The following ZMYM2 variants were observed in gnomAD, a reference collection of about 807,000 sequenced individuals.
ZMYM2 encodes the protein zinc finger MYM-type containing 2.
A neutral mutation model predicts 162.8 loss-of-function variants in ZMYM2; 56 were observed. The observed-to-expected ratio is 0.34, with a 90% CI of 0.28 to 0.43. The LOEUF (loss-of-function observed/expected upper bound fraction) is 0.43. Ranked by LOEUF, ZMYM2 falls within the 20% of genes least tolerant of loss-of-function variation. The probability of loss-of-function intolerance (pLI) is 1.00; values close to 1 mark genes in which losing one functional copy is unlikely to be tolerated. For synonymous variants in ZMYM2, 510 were observed against 541.6 expected, an observed-to-expected ratio of 0.94 and a Z score of 0.81; for missense variants, 1,275 against 1,621.8, an observed-to-expected ratio of 0.79 and a Z score of 3.67.
At chr13:19,988,926 T>G in intron 2 of ZMYM2, among the ~76,000 whole-genome samples, 1 of 152,244 alleles carries the variant, frequency 6.6e-6, no homozygotes, top group Admixed American at 6.5e-5. Context: ...TATATCATCT[T>G]CCGCTAAGAT....
chr13:19,999,779 G>A (rs1012880540), intron 3 of ZMYM2, among the ~76,000 whole-genome samples: 28 of 152,154 alleles, frequency 1.8e-4, no homozygotes, highest in African/African-American at 6.0e-4. Context: ...CTACTCCAGT[G>A]AACACAGGAA....
the ZMYM2 span, among the ~76,000 whole-genome samples, chr13:19,923,004 A>AC: frequency 6.8e-6 from 1 of 146,282 alleles, no homozygotes; most frequent in South Asian, 2.2e-4. Context: ...CCTAGGCAAC[A>AC]AGAGCGAGAC....
At chr13:19,926,382 T>C in the ZMYM2 span, among the ~76,000 whole-genome samples, 3 of 146,942 alleles carry the variant, frequency 2.0e-5, no homozygotes, top group Admixed American at 6.8e-5. Context: ...TTTTTTTTTT[T>C]AGTAAGAGTC....
chr13:19,904,094 CAT>C, the ZMYM2 span, among the ~76,000 whole-genome samples: 2 of 152,048 alleles, frequency 1.3e-5, no homozygotes, highest in African/African-American at 4.8e-5. Flanking sequence ...AAGGCTGATC[CAT>C]ACATTGAGGC....
chr13:20,063,119 T>A, intron 18 of ZMYM2, 148 bp downstream of exon 18: 1 of 1,058,420 alleles, frequency 9.4e-7, no homozygotes, highest in Non-Finnish European at 1.3e-6. Context: ...AAGAGTTAAC[T>A]TCATATTTTG....
chr13:19,922,330 G>T, the ZMYM2 span, among the ~76,000 whole-genome samples: 1 of 152,090 alleles, frequency 6.6e-6, no homozygotes, highest in Non-Finnish European at 1.5e-5. Flanking sequence ...GGCTCTACAT[G>T]GTTAAGCTAT....
the ZMYM2 span, among the ~76,000 whole-genome samples, chr13:19,887,834 A>T: frequency 6.6e-6 from 1 of 151,254 alleles, no homozygotes; most frequent in South Asian, 2.1e-4. Context: ...TCTTGCTCGA[A>T]CTGCCTCATC....
chr13:20,007,937 G>T (rs999973561), intron 6 of ZMYM2, among the ~76,000 whole-genome samples: 2 of 151,882 alleles, frequency 1.3e-5, no homozygotes, highest in Non-Finnish European at 2.9e-5. Flanking sequence ...TTATTAAGGT[G>T]TGAGTTATAT....
At chr13:20,064,647 T>C in intron 19 of ZMYM2, 102 bp downstream of exon 19, 1 of 779,876 alleles carries the variant, frequency 1.3e-6, no homozygotes, top group Non-Finnish European at 1.8e-6. Flanking sequence ...TATTTTGTTT[T>C]CTAGGTTGGA....
At chr13:20,059,765 C>G (rs989708335) in intron 16 of ZMYM2, among the ~76,000 whole-genome samples, 1 of 151,666 alleles carries the variant, frequency 6.6e-6, no homozygotes, top group African/African-American at 2.4e-5. Flanking sequence ...ACTGAAAATA[C>G]AGTATTCTGC....
chr13:19,883,814 G>A, the ZMYM2 span, among the ~76,000 whole-genome samples: 2 of 152,062 alleles, frequency 1.3e-5, no homozygotes, highest in African/African-American at 4.8e-5. Context: ...TGGAGCGCAC[G>A]GGCACGATCT....
chr13:19,941,720 CTTTTT>C, the ZMYM2 span, among the ~76,000 whole-genome samples: 2 of 63,004 alleles, frequency 3.2e-5, no homozygotes, highest in Non-Finnish European at 5.4e-5. Context: ...TGGCTTTCTG[CTTTTT>C]TTTTTTTTTT....
chr13:19,919,759 C>T, the ZMYM2 span, among the ~76,000 whole-genome samples: 2 of 151,546 alleles, frequency 1.3e-5, no homozygotes, highest in Non-Finnish European at 2.9e-5. Context: ...CTCACTGCAA[C>T]CTTCACCTCC....
the ZMYM2 span, among the ~76,000 whole-genome samples, chr13:19,888,638 TC>T: frequency 6.6e-6 from 1 of 151,924 alleles, no homozygotes; most frequent in Non-Finnish European, 1.5e-5. Context: ...TGCCTCTTGT[TC>T]CCCAGGCTGC....
intron 2 of ZMYM2, among the ~76,000 whole-genome samples, chr13:19,970,735 C>CT (rs533625014): frequency 6.6e-6 from 1 of 151,876 alleles, no homozygotes; most frequent in African/African-American, 2.4e-5. Flanking sequence ...GAGCATAGGT[C>CT]TTTTCCCTCA....
the ZMYM2 span, among the ~76,000 whole-genome samples, chr13:19,922,498 T>C: frequency 1.3e-5 from 2 of 152,208 alleles, no homozygotes; most frequent in East Asian, 3.8e-4. Context: ...TTCACATTCC[T>C]CAGATAAGAG....
At chr13:19,918,504 T>C in the ZMYM2 span, among the ~76,000 whole-genome samples, 4 of 144,990 alleles carry the variant, frequency 2.8e-5, no homozygotes, top group South Asian at 2.2e-4. Flanking sequence ...TCTTTTTTTT[T>C]TTTTTTTTTT....
the ZMYM2 span, among the ~76,000 whole-genome samples, chr13:19,944,410 T>C: frequency 1.6e-4 from 25 of 152,302 alleles, 1 homozygote; most frequent in Middle Eastern, 0.01. Flanking sequence ...TTGAATATTA[T>C]ACAGTCCTGA....
intron 6 of ZMYM2, among the ~76,000 whole-genome samples, chr13:20,012,932 A>G (rs1594354602): frequency 6.6e-6 from 1 of 152,190 alleles, no homozygotes; most frequent in East Asian, 1.9e-4. Context: ...TTGTTTGAAT[A>G]TTCTGGACCC....
Sources: allele counts gnomAD v4.1 joint callset (sites outside exome capture counted in the v4.1 genomes callset), GRCh38; gene constraint gnomAD v4.1.1; transcripts MANE v1.5; gene names NCBI Gene and HGNC (gene_info 2026-07-23, HGNC 2026-07-21).